STK11IP: variants seen among roughly 807,000 people sequenced by gnomAD.
STK11IP encodes the protein serine/threonine kinase 11 interacting protein, also known as serine/threonine-protein kinase 11-interacting protein.
In STK11IP, 103 loss-of-function variants were observed where a neutral mutation model predicts 131.7. The ratio of observed to expected loss-of-function variants is 0.78; its 90% CI spans 0.67 to 0.92. The LOEUF is 0.92. Ranked by LOEUF, STK11IP falls within the 40% of genes least tolerant of loss-of-function variation. The pLI is 0.00. For missense variants in STK11IP, 1,315 were observed against 1,385.7 expected, an observed-to-expected ratio of 0.95 and a Z score of 0.81; for synonymous variants, 557 against 575.6, an observed-to-expected ratio of 0.97 and a Z score of 0.46.
chr2:219,614,366 G>T, intron 22 of STK11IP, 110 bp from the exon 23 acceptor site: 1 of 1,506,652 alleles, frequency 6.6e-7, no homozygotes, highest in Non-Finnish European at 9.2e-7. Flanking sequence ...CCCCTTATGG[G>T]CCCCTAGTGT....
chr2:219,599,576 G>C (rs952631361), intron 2 of STK11IP, among the ~76,000 whole-genome samples: 11 of 152,178 alleles, frequency 7.2e-5, no homozygotes, highest in African/African-American at 2.7e-4. Context: ...AATTTATTCA[G>C]TGATGAATGG....
intron 19 of STK11IP, 67 bp from the exon 20 acceptor site, chr2:219,613,061 G>T: frequency 1.5e-6 from 2 of 1,353,986 alleles, no homozygotes. Context: ...CAGGAACTCG[G>T]CTTTCAGTCT....
In STK11IP at chr2:219,611,841, A is replaced by G; in HGVS notation, c.2335+7A>G. On this transcript the variant is annotated splice_region_variant and intron_variant, in intron 18 of 24. Coordinates refer to ENST00000456909, the MANE Select transcript of STK11IP (RefSeq NM_052902.4). ...AGTTGGAGCCTCAGTCCCCGTGAGT[A>G]TAGGCAAAACAAGACATAGATGAGT... 2 of 1,607,990 alleles carry G rather than the reference A, an allele frequency of 1.2e-6. No individual in the cohort carries two copies. The highest frequency in any genetic ancestry group is 1.7e-6 in the Non-Finnish European group (2 of 1,177,398).
rs768288638 is a variant in STK11IP at position 219,608,267 on chromosome 2, G to A, written c.1440G>A (p.Gln480=). ...SPPQEEARGP[Q]ESPQKMSEEV... ...CGCAGGAGGAAGCCAGAGGCCCCCAGGAGTCACCACAGAAAATGTCAGAGG... is the reference window on the plus strand; with the variant it reads ...CGCAGGAGGAAGCCAGAGGCCCCCAAGAGTCACCACAGAAAATGTCAGAGG... The change falls in exon 14 of 25, where the codon CAG becomes CAA. Residue 480 remains glutamine, a synonymous_variant. Transcript: ENST00000456909. The A allele has an allele frequency of 8.1e-6, 13 of 1,613,264 alleles. No individual in the cohort carries two copies. The highest frequency in any genetic ancestry group is 1.0e-5 in the Non-Finnish European group (12 of 1,179,810).
rs1435339869 is a variant in STK11IP, at chr2:219,614,210, AGAG to A, written c.2774_2776del (p.Glu925del). ...CCTGGAGGAACTGTGTCAGTGCCAC[AGAG>A]GAGGAGGTCACCCCCCAGCACCGGC... is the stretch of plus-strand genomic sequence containing the variant. On this transcript the variant is annotated inframe_deletion, in exon 22 of 25. Transcript: ENST00000456909. 1.2e-6 allele frequency: 2 copies of A among 1,613,436 alleles called. No individual in the cohort carries two copies. The highest frequency in any genetic ancestry group is 1.3e-5 in the African/African-American group (1 of 75,016).
chr2:219,605,844 T>C, intron 8 of STK11IP, 110 bp downstream of exon 8: 1 of 1,489,196 alleles, frequency 6.7e-7, no homozygotes, highest in South Asian at 1.2e-5. Context: ...TTATGGGGAG[T>C]GCAGGGGTGC....
At chr2:219,599,213 T>C (rs1430228147) in intron 2 of STK11IP, among the ~76,000 whole-genome samples, 1 of 152,112 alleles carries the variant, frequency 6.6e-6, no homozygotes, top group Non-Finnish European at 1.5e-5. Context: ...CTCAGCCTCC[T>C]GAGTAGCTGG....
chr2:219,600,934 T>A (rs1448378687), intron 2 of STK11IP, among the ~76,000 whole-genome samples: 1 of 152,196 alleles, frequency 6.6e-6, no homozygotes, highest in Non-Finnish European at 1.5e-5. Context: ...CTGGCTGTAT[T>A]TCCAGCACTG....
rs1409635309 is a variant in STK11IP at position 219,613,208 on chromosome 2, G to A, written c.2520G>A (p.Lys840=). The change falls in exon 20 of 25, where the codon AAG becomes AAA. Residue 840 remains lysine (K), a synonymous_variant. Coordinates refer to ENST00000456909, the MANE Select transcript of STK11IP (RefSeq NM_052902.4). ...VVSDRRLYLL[K]VTGEMREPPA... is the part of the protein sequence containing the mutation. The stretch of plus-strand genomic sequence containing the variant: ...CTGACCGCAGGCTGTACCTGTTGAA[G>A]GTGACTGGGGAGATGCGGTGAGTGA... 1 of 1,607,624 alleles carries A rather than the reference G, an allele frequency of 6.2e-7. No individual in the cohort carries two copies. Among genetic ancestry groups the A allele is most frequent in the Non-Finnish European group, 8.5e-7 (1 of 1,177,532 alleles).
At chr2:219,609,929 C>T (rs769318910) in intron 17 of STK11IP, 1 of 228,640 alleles carries the variant, frequency 4.4e-6, no homozygotes. Flanking sequence ...GCTGCCTCTG[C>T]CAGCAAGTGT....
rs778633707 is a variant in STK11IP at position 219,608,382 on chromosome 2, G to A, written c.1555G>A (p.Glu519Lys). Residue 519 changes from glutamate (E) to lysine (K), a missense_variant, in exon 14 of 25, where the codon GAG becomes AAG. Physicochemically the swap from Glu to Lys is moderately conservative, Grantham distance 56. Coordinates refer to ENST00000456909, the MANE Select transcript of STK11IP (RefSeq NM_052902.4). ...GGAGATGGTGGAACAGGGAGAAGAG[G>A]AGGCAGGAGAGGAGGAAGAAGAGGA... Reference protein sequence around the residue: ...EGEMVEQGEEEAGEEEEEEQD... With the variant: ...EGEMVEQGEEKAGEEEEEEQD... The A allele has an allele frequency of 2.6e-5, 41 of 1,578,560 alleles. No homozygotes were observed. The South Asian group carries it at 4.1e-4, about 16-fold the overall frequency.
At chr2:219,608,815 G>C (rs1254825356) in intron 15 of STK11IP, 27 bp downstream of exon 15, 1 of 1,564,082 alleles carries the variant, frequency 6.4e-7, no homozygotes, top group Admixed American at 1.9e-5. Context: ...AGGGTCTCTG[G>C]AGGAGCCAGT....
intron 12 of STK11IP, 32 bp downstream of exon 12, chr2:219,606,890 C>A: frequency 3.1e-6 from 5 of 1,594,352 alleles, no homozygotes; most frequent in South Asian, 1.1e-5. Flanking sequence ...CTTGTGCCTG[C>A]GGTTGGGTGT....
intron 13 of STK11IP, among the ~76,000 whole-genome samples, chr2:219,607,653 A>G (rs1698236257): frequency 6.6e-6 from 1 of 151,938 alleles, no homozygotes; most frequent in Admixed American, 6.5e-5. Context: ...GTAAGACCTT[A>G]TCTCTTAAAA....
intron 23 of STK11IP, chr2:219,614,758 AC>A: frequency 1.4e-6 from 1 of 717,912 alleles, no homozygotes; most frequent in Non-Finnish European, 2.5e-6. Flanking sequence ...ATCCTCAGTT[AC>A]CCAGAGCCTT....
intron 2 of STK11IP, among the ~76,000 whole-genome samples, chr2:219,598,927 AAG>A (rs1362331997): frequency 6.6e-6 from 1 of 152,182 alleles, no homozygotes; most frequent in Non-Finnish European, 1.5e-5. Flanking sequence ...TCATATCTGT[AAG>A]ATGGGGTTAA....
intron 19 of STK11IP, among the ~76,000 whole-genome samples, chr2:219,612,401 T>C (rs1698427662): frequency 6.6e-6 from 1 of 152,260 alleles, no homozygotes; most frequent in South Asian, 2.1e-4. Flanking sequence ...CCTGTTGTGC[T>C]AGACATTGAG....
intron 5 of STK11IP, 88 bp from the exon 6 acceptor site, chr2:219,602,380 A>G (rs1698016009): frequency 3.9e-6 from 4 of 1,020,834 alleles, no homozygotes; most frequent in African/African-American, 1.6e-5. Context: ...TGTATAAAAA[A>G]TGAATGAGTG....
intron 22 of STK11IP, 45 bp from the exon 23 acceptor site, chr2:219,614,431 C>G (rs745886713): frequency 6.2e-6 from 10 of 1,602,656 alleles, no homozygotes; most frequent in Non-Finnish European, 7.7e-6. Context: ...TCAAGTCCTT[C>G]CCACCCGCTA....
Sources: allele counts gnomAD v4.1 joint callset (sites outside exome capture counted in the v4.1 genomes callset), GRCh38; gene constraint gnomAD v4.1.1; transcripts MANE v1.5; gene names NCBI Gene and HGNC (gene_info 2026-07-23, HGNC 2026-07-21).